FAM234A: variants seen among roughly 807,000 people sequenced by gnomAD.
FAM234A encodes family with sequence similarity 234 member A.
A neutral mutation model predicts 49.1 loss-of-function variants in FAM234A; 42 were observed. The ratio of observed to expected loss-of-function variants is 0.86; its 90% CI spans 0.67 to 1.11. FAM234A has a LOEUF of 1.11. Ranked by LOEUF, FAM234A falls within the 50% of genes least tolerant of loss-of-function variation. The pLI, the probability that FAM234A is intolerant of heterozygous loss-of-function variation, is 0.00. For synonymous variants in FAM234A, 369 were observed against 316.2 expected (o/e 1.17, Z -1.77); for missense variants, 815 against 745.2 (o/e 1.09, Z -1.09).
In FAM234A at chr16:263,373, C is replaced by G; in HGVS notation, c.1083C>G (p.Arg361=). 1.2e-6 allele frequency: 2 copies of G among 1,611,608 alleles called. No homozygotes were observed. The highest frequency in any genetic ancestry group is 1.1e-5 in the South Asian group (1 of 91,082). The change falls in exon 9 of 13, where the codon CGC becomes CGG. Residue 361 remains arginine, a synonymous_variant. Coordinates refer to ENST00000399932, the MANE Select transcript of FAM234A (RefSeq NM_032039.4). The stretch of plus-strand genomic sequence containing the variant: ...TGGACGGGCAGGAGCTGACGCCTCG[C>G]TGGACACCCAAGGCAGCCCATGTCC... ...VLLDGQELTP[R]WTPKAAHVLR...
rs2141353935 is a variant in FAM234A at position 262,496 on chromosome 16, G to A, written c.914G>A (p.Ser305Asn). The change falls in exon 8 of 13, where the codon AGT (serine) becomes AAT (asparagine). Residue 305 changes from serine to asparagine, a missense_variant. Ser to Asn is a conservative substitution (Grantham distance 46, BLOSUM62 1). Transcript: ENST00000399932. ...ACCGGGAGCGGCGGCCCGTTCAAGA[G>A]TGACCCGCACTGGGAGAGCATGCTC... Reference protein sequence around the residue: ...KVTGSGGPFKSDPHWESMLNA... With the variant: ...KVTGSGGPFKNDPHWESMLNA... 6.2e-7 allele frequency: 1 copy of A among 1,612,998 alleles called. No homozygotes were observed. Among genetic ancestry groups the A allele is most frequent in the Non-Finnish European group, 8.5e-7 (1 of 1,179,608 alleles).
In FAM234A at chr16:254,589, G is replaced by C; in HGVS notation, c.176G>C (p.Cys59Ser). The C allele has an allele frequency of 2.5e-6, 4 of 1,613,858 alleles. No individual in the cohort carries two copies. The highest frequency in any genetic ancestry group is 4.5e-5 in the East Asian group (2 of 44,878). ...AAAFFLSLFL[C>S]LFVVFVVSFV... Reference sequence around the variant, plus strand: ...GCGTTTTTTCTTTCATTGTTTCTCTGCCTTTTTGTGGTGTTCGTCGTCTCA... The same window carrying C: ...GCGTTTTTTCTTTCATTGTTTCTCTCCCTTTTTGTGGTGTTCGTCGTCTCA... The change falls in exon 3 of 13, where the codon TGC (cysteine) becomes TCC (serine). Residue 59 changes from cysteine to serine, a missense_variant. Cys to Ser is a moderately radical substitution (Grantham distance 112). Transcript: ENST00000399932.
chr16:262,568 C>T lies in FAM234A; in HGVS notation c.971+15C>T. ...CTTTCCCACAGGTGGGTCCGGGCCGCAGCCTTTCTCCATGCAGAGCGCCCA... is the reference window on the plus strand; with the variant it reads ...CTTTCCCACAGGTGGGTCCGGGCCGTAGCCTTTCTCCATGCAGAGCGCCCA... On this transcript the variant is annotated intron_variant, in intron 8 of 12. Transcript: ENST00000399932. 1.3e-6 allele frequency: 2 copies of T among 1,568,544 alleles called. No individual in the cohort carries two copies. The highest frequency in any genetic ancestry group is 1.7e-6 in the Non-Finnish European group (2 of 1,160,776).
intron 1 of FAM234A, among the ~76,000 whole-genome samples, chr16:244,191 A>C (rs1316534769): frequency 2.0e-5 from 3 of 152,074 alleles, no homozygotes; most frequent in Non-Finnish European, 4.4e-5. Context: ...GATGGTCTCG[A>C]TCTCCTGACC....
At chr16:238,069 A>C (rs1359191304) in intron 1 of FAM234A, among the ~76,000 whole-genome samples, 1 of 151,878 alleles carries the variant, frequency 6.6e-6, no homozygotes. Flanking sequence ...CCCAGGCTGG[A>C]GTGCAGTGGC....
At chr16:260,581 G>A (rs575779275) in intron 5 of FAM234A, 2 of 476,578 alleles carry the variant, frequency 4.2e-6, no homozygotes, top group African/African-American at 2.0e-5. Flanking sequence ...AAGCCTGAAG[G>A]TGCAGGTCTC....
chr16:241,733 C>A (rs989094044), intron 1 of FAM234A, among the ~76,000 whole-genome samples: 1 of 151,738 alleles, frequency 6.6e-6, no homozygotes, highest in Non-Finnish European at 1.5e-5. Flanking sequence ...CTGGCTAACA[C>A]AGTGAAACCC....
At chr16:268,448 A>C, downstream of FAM234A, 1 of 418,888 alleles carries the variant, frequency 2.4e-6, no homozygotes, top group Non-Finnish European at 4.4e-6. Context: ...GAAAGGAGCC[A>C]GCTGTACCTT....
chr16:248,139 C>T (rs2050879804), intron 1 of FAM234A: 1 of 152,060 alleles, frequency 6.6e-6, no homozygotes, highest in Non-Finnish European at 1.5e-5. Context: ...GGACACTGGA[C>T]CAATTGTAGA....
At chr16:252,383 A>C (rs1034068895) in intron 2 of FAM234A, among the ~76,000 whole-genome samples, 45 of 151,694 alleles carry the variant, frequency 3.0e-4, no homozygotes, top group African/African-American at 1.0e-3. Context: ...GGTTTTCACC[A>C]TGTTGTCCAG....
downstream of FAM234A, chr16:269,541 G>A: frequency 6.8e-6 from 11 of 1,613,466 alleles, no homozygotes; most frequent in Non-Finnish European, 9.3e-6. Flanking sequence ...CCTCTGCCAG[G>A]AGGGCCTTGT....
At position 265,240 on chromosome 16, in the gene FAM234A, C is replaced by G; in HGVS notation, c.*218C>G. 1 of 1,376,754 alleles carries G rather than the reference C, an allele frequency of 7.3e-7. No individual in the cohort carries two copies. Among genetic ancestry groups the G allele is most frequent in the Non-Finnish European group, 9.4e-7 (1 of 1,067,618 alleles). The allele number at this position is 1,376,754 out of a possible 1,614,324, so 85.3% of individuals were successfully genotyped here. ...GGGCCTCTCTCCCGCCCAGCATCCT[C>G]CCTGAGTCCCCACACAGGGCCTCAC... On this transcript the variant is annotated 3_prime_UTR_variant, in exon 13 of 13. Coordinates refer to ENST00000399932, the MANE Select transcript of FAM234A (RefSeq NM_032039.4).
downstream of FAM234A, among the ~76,000 whole-genome samples, chr16:267,336 C>T (rs577506224): frequency 1.3e-5 from 2 of 152,202 alleles, no homozygotes; most frequent in African/African-American, 4.8e-5. Context: ...ACCAGATGCC[C>T]CAAGTCTGCT....
intron 3 of FAM234A, among the ~76,000 whole-genome samples, chr16:257,897 G>A (rs559196071): frequency 2.8e-4 from 43 of 151,532 alleles, no homozygotes; most frequent in Middle Eastern, 3.4e-3. Context: ...TCGCTCTGTC[G>A]CCCAGGCTGG....
intron 3 of FAM234A, among the ~76,000 whole-genome samples, chr16:255,253 G>C (rs962112883): frequency 6.6e-6 from 1 of 152,026 alleles, no homozygotes; most frequent in African/African-American, 2.4e-5. Flanking sequence ...GCCTCCCAAC[G>C]TGCTGGGATT....
downstream of FAM234A, among the ~76,000 whole-genome samples, chr16:267,757 TAC>T (rs140835273): frequency 5.9e-5 from 8 of 134,796 alleles, no homozygotes; most frequent in South Asian, 2.4e-4. Flanking sequence ...ACATGCCTCA[TAC>T]ACACAACACG....
At position 261,511 on chromosome 16, in the gene FAM234A, G is replaced by A; in HGVS notation, c.705G>A (p.Glu235=). The A allele has an allele frequency of 6.2e-7, 1 of 1,601,034 alleles. No homozygotes were observed. The highest frequency in any genetic ancestry group is 1.7e-4 in the Middle Eastern group (1 of 6,022). Residue 235 remains glutamate, a synonymous_variant, in exon 6 of 13, where the codon GAG becomes GAA. Transcript: ENST00000399932. The part of the protein sequence containing the change: ...PDLLVLTQER[E]EVSGHLYSGS... ...TGCTGGTTCTCACCCAGGAGCGGGA[G>A]GAGGTACATCCCAGCCTGGCTCTGC...
chr16:255,944 G>A (rs184144465), intron 3 of FAM234A, among the ~76,000 whole-genome samples: 5 of 152,342 alleles, frequency 3.3e-5, no homozygotes, highest in African/African-American at 9.6e-5. Flanking sequence ...GATTACCGGC[G>A]TGAGCCACCG....
rs527724526 is a variant in FAM234A, at chr16:243,275, G to A, written c.-139-6274G>A. Reference sequence around the variant, plus strand: ...ATTATAGGCGTGAACCACCCTGCCCGGCCATGAAGTTAAATTTTTGGTTAT... The same window carrying A: ...ATTATAGGCGTGAACCACCCTGCCCAGCCATGAAGTTAAATTTTTGGTTAT... On this transcript the variant is annotated intron_variant, in intron 1 of 12. Coordinates refer to ENST00000399932, the MANE Select transcript of FAM234A (RefSeq NM_032039.4). Among the ~76,000 whole-genome samples, 10 of 152,160 alleles carry A rather than the reference G, an allele frequency of 6.6e-5. No individual in the cohort carries two copies. The East Asian group carries it at 1.9e-3, about 29-fold the overall frequency.
Sources: allele counts gnomAD v4.1 joint callset (sites outside exome capture counted in the v4.1 genomes callset), GRCh38; gene constraint gnomAD v4.1.1; transcripts MANE v1.5; gene names NCBI Gene and HGNC (gene_info 2026-07-23, HGNC 2026-07-21).